The following OSBP2 variants were observed in gnomAD, a reference collection of about 807,000 sequenced individuals.
OSBP2 encodes oxysterol-binding protein 2.
Under a neutral mutation model 96.0 loss-of-function variants are expected in OSBP2, and 66 were observed. That is an observed-to-expected ratio of 0.69 (90% CI 0.56 to 0.84). The LOEUF is 0.84. Among genes scored for constraint, OSBP2 ranks in the 40% least tolerant of loss-of-function variants. The pLI, the probability that OSBP2 is intolerant of heterozygous loss-of-function variation, is 0.00. For synonymous variants in OSBP2, 525 were observed against 520.9 expected (o/e 1.01, Z -0.11); for missense variants, 1,038 against 1,222.7 (o/e 0.85, Z 2.25).
At chr22:30,751,107 C>G (rs2090068892) in intron 2 of OSBP2, among the ~76,000 whole-genome samples, 1 of 152,122 alleles carries the variant, frequency 6.6e-6, no homozygotes, top group Non-Finnish European at 1.5e-5. Context: ...AACCTGGAAA[C>G]CCTGCCCACT....
At chr22:30,898,971 C>G (rs1270580598) in intron 12 of OSBP2, among the ~76,000 whole-genome samples, 3 of 151,456 alleles carry the variant, frequency 2.0e-5, no homozygotes, top group African/African-American at 4.8e-5. Flanking sequence ...AAACTACTGA[C>G]AAGACTGATC....
chr22:30,868,876 G>A (rs952950148), intron 2 of OSBP2, among the ~76,000 whole-genome samples: 2 of 152,228 alleles, frequency 1.3e-5, no homozygotes, highest in Admixed American at 1.3e-4. Flanking sequence ...GGGAAGAAAC[G>A]TTCTCTCACA....
At chr22:30,727,262 G>A (rs564775758) in intron 1 of OSBP2, among the ~76,000 whole-genome samples, 1 of 152,288 alleles carries the variant, frequency 6.6e-6, no homozygotes, top group Non-Finnish European at 1.5e-5. Context: ...TGACCTGAGA[G>A]GTAGAAGAAC....
In OSBP2 at chr22:30,893,962, C is replaced by T; in HGVS notation, c.2336C>T (p.Thr779Ile). 1 of 1,599,896 alleles carries T rather than the reference C, an allele frequency of 6.3e-7. No individual in the cohort carries two copies. The highest frequency in any genetic ancestry group is 8.5e-7 in the Non-Finnish European group (1 of 1,173,692). ...GGGAAGCAGAAGACAGTGTACCAGACCCTGTCAGCCAAGCTGCTGTGGAAG... is the reference window on the plus strand; with the variant it reads ...GGGAAGCAGAAGACAGTGTACCAGATCCTGTCAGCCAAGCTGCTGTGGAAG... Reference protein sequence around the residue: ...SDGKQKTVYQTLSAKLLWKKY... With the variant: ...SDGKQKTVYQILSAKLLWKKY... Residue 779 changes from threonine to isoleucine, a missense_variant, in exon 12 of 14, where the codon ACC becomes ATC. Transcript: ENST00000332585.
intron 2 of OSBP2, among the ~76,000 whole-genome samples, chr22:30,788,146 A>G (rs1365475776): frequency 6.6e-6 from 1 of 152,132 alleles, no homozygotes; most frequent in African/African-American, 2.4e-5. Flanking sequence ...GTGAAGTGTC[A>G]GCGCCATACC....
At chr22:30,717,090 T>TTTTTTTG (rs71328866) in intron 1 of OSBP2, among the ~76,000 whole-genome samples, 29 of 118,414 alleles carry the variant, frequency 2.4e-4, no homozygotes, top group African/African-American at 8.2e-4. Context: ...TTTACTGTTT[T>TTTTTTTG]TGTGTGTGTG....
chr22:30,705,543 T>A (rs1477731075), intron 1 of OSBP2, among the ~76,000 whole-genome samples: 1 of 152,110 alleles, frequency 6.6e-6, no homozygotes, highest in Non-Finnish European at 1.5e-5. Flanking sequence ...TCCACCTGCC[T>A]TGGCCTCCCA....
chr22:30,733,710 T>C (rs1252462129), intron 1 of OSBP2, among the ~76,000 whole-genome samples: 1 of 152,146 alleles, frequency 6.6e-6, no homozygotes, highest in African/African-American at 2.4e-5. Context: ...ATGGTCTCCA[T>C]GGCCTAAAAA....
At chr22:30,897,627 T>C (rs2040093531) in intron 12 of OSBP2, among the ~76,000 whole-genome samples, 1 of 152,126 alleles carries the variant, frequency 6.6e-6, no homozygotes, top group South Asian at 2.1e-4. Flanking sequence ...ATGCAAAATA[T>C]GTAGAACTGA....
chr22:30,698,083 T>C (rs1283881398), intron 1 of OSBP2, among the ~76,000 whole-genome samples: 1 of 152,166 alleles, frequency 6.6e-6, no homozygotes, highest in Non-Finnish European at 1.5e-5. Context: ...CCAGCTGGGA[T>C]CAAGGACTGA....
Position 30,905,989 on chromosome 22 carries a change from G to C in OSBP2, c.2528G>C (p.Arg843Pro). 6.2e-7 allele frequency: 1 copy of C among 1,600,476 alleles called. No individual in the cohort carries two copies. The highest frequency in any genetic ancestry group is 8.5e-7 in the Non-Finnish European group (1 of 1,174,212). Residue 843 changes from arginine to proline, a missense_variant, in exon 13 of 14, where the codon CGG (arginine) becomes CCG (proline). Around this residue, in one of 3 missense-constraint regions of OSBP2, gnomAD observed 737 missense variants for 913.3 expected, o/e 0.81. Coordinates refer to ENST00000332585, the MANE Select transcript of OSBP2 (RefSeq NM_030758.4). ...RWDEANTEKQRLEEKQRLSRR... is the reference protein window; with the variant it reads ...RWDEANTEKQPLEEKQRLSRR... ...GACGAGGCCAATACCGAGAAGCAGC[G>C]GCTGGAGGAGAAGCAGCGCCTGTCG...
chr22:30,856,644 C>T (rs1401977214), intron 2 of OSBP2, among the ~76,000 whole-genome samples: 1 of 152,048 alleles, frequency 6.6e-6, no homozygotes, highest in Non-Finnish European at 1.5e-5. Flanking sequence ...GCCGTGGCCT[C>T]CCAAAGTGCT....
chr22:30,768,739 C>A lies in OSBP2; in HGVS notation c.853+27370C>A, dbSNP rs938337105. On this transcript the variant is annotated intron_variant, in intron 2 of 13. Transcript: ENST00000332585. ...ATTGCCATTAAGGTAGTTTAAGCAT[C>A]ATTTTCCTGCTAGGGCAATTACCTT... 5.3e-5 allele frequency among the ~76,000 whole-genome samples: 8 copies of A among 152,020 alleles called. No individual in the cohort carries two copies. The East Asian group carries it at 1.5e-3, about 29-fold the overall frequency.
intron 2 of OSBP2, among the ~76,000 whole-genome samples, chr22:30,827,382 A>T (rs1393970267): frequency 6.6e-6 from 1 of 152,042 alleles, no homozygotes; most frequent in Non-Finnish European, 1.5e-5. Flanking sequence ...TGCCATGCAA[A>T]CCTAACATGA....
At chr22:30,730,806 A>ATTT (rs1555908802) in intron 1 of OSBP2, among the ~76,000 whole-genome samples, 11 of 41,556 alleles carry the variant, frequency 2.6e-4, no homozygotes, top group Non-Finnish European at 3.7e-4. Context: ...ATATATATAT[A>ATTT]TAATTTTTTT....
Position 30,870,317 on chromosome 22 carries a change from C to A in OSBP2, c.854-112C>A. The A allele has an allele frequency of 9.1e-7, 1 of 1,103,410 alleles. No individual in the cohort carries two copies. Among genetic ancestry groups the A allele is most frequent in the Non-Finnish European group, 1.3e-6 (1 of 761,574 alleles). 68.4% of individuals were successfully genotyped at this position (1,103,410 alleles called of 1,614,324 possible). On this transcript the variant is annotated intron_variant, in intron 2 of 13. Coordinates refer to ENST00000332585, the MANE Select transcript of OSBP2 (RefSeq NM_030758.4). This position sits in a 1 kb window ranked among gnomAD's most constrained non-coding sequence, Gnocchi z 4.1. ...ACAGGAACGGGCACCATCTCGGGGA[C>A]TGATGTTTTTTGAATGGCGCTATCC...
At chr22:30,809,311 C>G (rs182361106) in intron 2 of OSBP2, among the ~76,000 whole-genome samples, 109 of 152,332 alleles carry the variant, frequency 7.2e-4, no homozygotes, top group Middle Eastern at 3.4e-3. Context: ...GAGACAGACT[C>G]TCCAATGGAG....
intron 2 of OSBP2, among the ~76,000 whole-genome samples, chr22:30,762,542 C>CAA (rs779773654): frequency 8.4e-5 from 12 of 142,554 alleles, no homozygotes; most frequent in African/African-American, 2.8e-4. Flanking sequence ...ACTCCGTCTC[C>CAA]AAAAAAAAAA....
At chr22:30,809,450 G>T (rs1051964986) in intron 2 of OSBP2, among the ~76,000 whole-genome samples, 1 of 152,188 alleles carries the variant, frequency 6.6e-6, no homozygotes. Context: ...AAGTCTCCTT[G>T]GGGGAGGGAA....
Sources: allele counts gnomAD v4.1 joint callset (sites outside exome capture counted in the v4.1 genomes callset), GRCh38; gene constraint gnomAD v4.1.1; regional missense constraint gnomAD v4.1.1; non-coding constraint Gnocchi (gnomAD v3.1); transcripts MANE v1.5; gene names NCBI Gene and HGNC (gene_info 2026-07-23, HGNC 2026-07-21).